PREX1: variants seen among roughly 807,000 people sequenced by gnomAD.
PREX1 encodes phosphatidylinositol-3,4,5-trisphosphate dependent Rac exchange factor 1, also known as phosphatidylinositol 3,4,5-trisphosphate-dependent Rac exchanger 1 protein.
A neutral mutation model predicts 198.3 loss-of-function variants in PREX1; 41 were observed. The ratio of observed to expected loss-of-function variants is 0.21; its 90% CI spans 0.16 to 0.27. The LOEUF (loss-of-function observed/expected upper bound fraction) is 0.27. PREX1 is among the 10% of genes least tolerant of loss of function. The pLI is 1.00. For missense variants in PREX1, 1,620 were observed against 2,200.7 expected, an observed-to-expected ratio of 0.74 and a Z score of 5.28; for synonymous variants, 843 against 887.2, an observed-to-expected ratio of 0.95 and a Z score of 0.89.
At chr20:48,803,103 A>G (rs2090394861) in intron 1 of PREX1, among the ~76,000 whole-genome samples, 1 of 152,238 alleles carries the variant, frequency 6.6e-6, no homozygotes, top group South Asian at 2.1e-4. Context: ...TCAGAGGTAT[A>G]GTCAGATTTG....
intron 1 of PREX1, among the ~76,000 whole-genome samples, chr20:48,793,102 G>C (rs145065089): frequency 5.8e-4 from 88 of 152,312 alleles, no homozygotes; most frequent in African/African-American, 1.9e-3. Context: ...CTACTTGGAA[G>C]GCTGAGGGGG....
the PREX1 span, among the ~76,000 whole-genome samples, chr20:48,888,110 GT>G: frequency 1.3e-5 from 2 of 152,208 alleles, no homozygotes; most frequent in African/African-American, 4.8e-5. Context: ...AGTTCCACAT[GT>G]CTGGGGAATT....
intron 10 of PREX1, among the ~76,000 whole-genome samples, chr20:48,686,181 C>T (rs1025368769): frequency 6.6e-6 from 1 of 151,978 alleles, no homozygotes; most frequent in Non-Finnish European, 1.5e-5. Context: ...TGAATGCCAG[C>T]ACATGCAGCA....
rs147005671 is a variant in PREX1 at position 48,693,738 on chromosome 20, A to G, written c.918-948T>C. Among the ~76,000 whole-genome samples the G allele has an allele frequency of 4.0e-3, 579 of 146,444 alleles. 4 individuals are homozygous for G. Among genetic ancestry groups the G allele is most frequent in the Non-Finnish European group, 5.1e-3 (343 of 66,844 alleles). On this transcript the variant is annotated intron_variant, in intron 7 of 39. Transcript: ENST00000371941. The stretch of plus-strand genomic sequence containing the variant: ...TTCTCCTGCCTCAGCCTCCCGAGTA[A>G]CTGGGACTACAGGCATGTCTCACCA...
chr20:48,711,680 ACCCCAAGGCCTAAACTATTTACTAT>A (rs1337537812), intron 5 of PREX1, among the ~76,000 whole-genome samples: 29 of 152,206 alleles, frequency 1.9e-4, no homozygotes, highest in Non-Finnish European at 4.1e-4. Flanking sequence ...GATTGTATGG[ACCCCAAGGCCTAAACTATTTACTAT>A]CTGATCCTTT....
rs1213634124 is a variant in PREX1, at chr20:48,827,047, A to G, written c.219+595T>C. 6.6e-6 allele frequency among the ~76,000 whole-genome samples: 1 copy of G among 152,094 alleles called. No individual in the cohort carries two copies. The highest frequency in any genetic ancestry group is 2.4e-5 in the African/African-American group (1 of 41,402). On this transcript the variant is annotated intron_variant, in intron 1 of 39. Coordinates refer to ENST00000371941, the MANE Select transcript of PREX1 (RefSeq NM_020820.4). The surrounding 1 kb of genome is among the most constrained non-coding windows in gnomAD (Gnocchi z 4.1). Reference sequence around the variant, plus strand: ...GGAGATGGGGAGTTGGTGGGGGTGGATGCAGTTAGGGAGCCTGGACTGCCG... The same window carrying G: ...GGAGATGGGGAGTTGGTGGGGGTGGGTGCAGTTAGGGAGCCTGGACTGCCG...
chr20:48,650,831 T>A (rs1023060373), intron 23 of PREX1, 63 bp downstream of exon 23: 1 of 1,575,282 alleles, frequency 6.3e-7, no homozygotes, highest in Non-Finnish European at 8.7e-7. Flanking sequence ...AACCCAAATA[T>A]CCCAGGCTGA....
At position 48,827,772 on chromosome 20, in the gene PREX1, G is replaced by C. The variant is rs1413793025; in HGVS notation, c.89C>G (p.Pro30Arg). Reference protein sequence around the residue: ...PDPRAPGAAAPSSGPGPCAAA... With the variant: ...PDPRAPGAAARSSGPGPCAAA... The stretch of plus-strand genomic sequence containing the variant: ...CGCGCACGGGCCGGGGCCGGAGCTG[G>C]GCGCCGCGGCGCCAGGGGCCCGGGG... Residue 30 changes from proline to arginine, a missense_variant, in exon 1 of 40, where the codon CCC becomes CGC. Physicochemically the swap from Pro to Arg is moderately radical, Grantham distance 103. Around this residue, in one of 7 missense-constraint regions of PREX1, gnomAD observed 96 missense variants for 98.7 expected, o/e 0.97. Coordinates refer to ENST00000371941, the MANE Select transcript of PREX1 (RefSeq NM_020820.4). This position sits in a 1 kb window ranked among gnomAD's most constrained non-coding sequence, Gnocchi z 4.1. 8.6e-7 allele frequency: 1 copy of C among 1,159,762 alleles called. No homozygotes were observed. The highest frequency in any genetic ancestry group is 1.1e-6 in the Non-Finnish European group (1 of 934,204). 71.8% of individuals were successfully genotyped at this position (1,159,762 alleles called of 1,614,324 possible). A position where few individuals can be genotyped will look rare whatever the true frequency, so the allele number is the denominator to read the frequency against.
At chr20:48,779,406 T>C (rs556082836) in intron 1 of PREX1, among the ~76,000 whole-genome samples, 21 of 152,330 alleles carry the variant, frequency 1.4e-4, no homozygotes, top group African/African-American at 5.1e-4. Flanking sequence ...AGTAAATTAG[T>C]ACAGCATCTT....
intron 7 of PREX1, among the ~76,000 whole-genome samples, chr20:48,695,263 G>A (rs574918410): frequency 6.6e-6 from 1 of 152,300 alleles, no homozygotes; most frequent in South Asian, 2.1e-4. Flanking sequence ...AATCACAAGT[G>A]TGTACTTTTG....
intron 29 of PREX1, among the ~76,000 whole-genome samples, chr20:48,640,815 AAGGATGGATGGATGGACAGACAAG>A (rs1273141936): frequency 2.1e-5 from 3 of 144,418 alleles, no homozygotes; most frequent in African/African-American, 7.6e-5. Flanking sequence ...GGAAGGAGGG[AAGGATGGATGGATGGACAGACAAG>A]AAGATGGATG....
At chr20:48,802,614 T>C (rs1357851127) in intron 1 of PREX1, among the ~76,000 whole-genome samples, 1 of 152,176 alleles carries the variant, frequency 6.6e-6, no homozygotes, top group African/African-American at 2.4e-5. Flanking sequence ...TTACAAGATT[T>C]TTCTCATTTG....
intron 1 of PREX1, among the ~76,000 whole-genome samples, chr20:48,826,922 G>C (rs1395415776): frequency 6.6e-6 from 1 of 152,220 alleles, no homozygotes; most frequent in African/African-American, 2.4e-5. Flanking sequence ...GACCGCCTGT[G>C]AAGGTTAAAC....
chr20:48,634,667 A>T lies in PREX1; in HGVS notation c.4267+9T>A, dbSNP rs1420963120. 1 of 1,613,480 alleles carries T rather than the reference A, an allele frequency of 6.2e-7. No homozygotes were observed. ...CCTCTCACAGTGGGGGATGGGAGAAATCACTCACTGGCCACATAGTTCTCG... is the reference window on the plus strand; with the variant it reads ...CCTCTCACAGTGGGGGATGGGAGAATTCACTCACTGGCCACATAGTTCTCG... On this transcript the variant is annotated intron_variant, in intron 33 of 39. Coordinates refer to ENST00000371941, the MANE Select transcript of PREX1 (RefSeq NM_020820.4).
intron 10 of PREX1, among the ~76,000 whole-genome samples, chr20:48,687,472 T>C (rs1057212064): frequency 6.6e-6 from 1 of 152,222 alleles, no homozygotes; most frequent in African/African-American, 2.4e-5. Flanking sequence ...GCTCCCTGTC[T>C]CCACAATGAC....
intron 1 of PREX1, among the ~76,000 whole-genome samples, chr20:48,799,916 C>T (rs1397332250): frequency 6.6e-6 from 1 of 152,148 alleles, no homozygotes; most frequent in South Asian, 2.1e-4. Flanking sequence ...TCTGCCTCTG[C>T]GCCAGGGGCC....
intron 18 of PREX1, among the ~76,000 whole-genome samples, chr20:48,655,971 C>A (rs377053313): frequency 1.3e-5 from 2 of 152,138 alleles, no homozygotes; most frequent in Non-Finnish European, 2.9e-5. Flanking sequence ...CCCATTCCCC[C>A]CTGCAGATAA....
chr20:48,801,157 G>A (rs967732438), intron 1 of PREX1, among the ~76,000 whole-genome samples: 1 of 152,204 alleles, frequency 6.6e-6, no homozygotes, highest in Non-Finnish European at 1.5e-5. Context: ...CTCGTGTGAA[G>A]AACCAGCTAC....
At position 48,778,425 on chromosome 20, in the gene PREX1, C is replaced by CAA. The variant is rs35297652; in HGVS notation, c.220-30547_220-30546dup. On this transcript the variant is annotated intron_variant, in intron 1 of 39. Coordinates refer to ENST00000371941, the MANE Select transcript of PREX1 (RefSeq NM_020820.4). Reference sequence around the variant, plus strand: ...CCCGTCTCTACTAAAAGTCAAAAATCAAAAAAAAAAAAAAAAAATTAGCCA... The same window carrying CAA: ...CCCGTCTCTACTAAAAGTCAAAAATCAAAAAAAAAAAAAAAAAAAATTAGCCA... Among the ~76,000 whole-genome samples, 767 of 117,494 alleles carry CAA rather than the reference C, an allele frequency of 6.5e-3. 1 individual carries two copies. Among genetic ancestry groups the CAA allele is most frequent in the East Asian group, 0.011 (43 of 3,962 alleles). The allele number at this position is 117,494 out of a possible 152,430, so 77.1% of individuals were successfully genotyped here. A position where few individuals can be genotyped will look rare whatever the true frequency, so the allele number is the denominator to read the frequency against.
Sources: allele counts gnomAD v4.1 joint callset (sites outside exome capture counted in the v4.1 genomes callset), GRCh38; gene constraint gnomAD v4.1.1; regional missense constraint gnomAD v4.1.1; non-coding constraint Gnocchi (gnomAD v3.1); transcripts MANE v1.5; gene names NCBI Gene and HGNC (gene_info 2026-07-23, HGNC 2026-07-21).